The following KLHL4 variants were observed in gnomAD, a reference collection of about 807,000 sequenced individuals.
KLHL4 encodes the protein kelch-like protein 4.
KLHL4 carries 17 observed loss-of-function variants against 45.8 expected under a neutral mutation model. The observed-to-expected ratio is 0.37, with a 90% CI of 0.25 to 0.56. The LOEUF is 0.56. Ranked by LOEUF, KLHL4 falls within the 20% of genes least tolerant of loss-of-function variation. The pLI, the probability that KLHL4 is intolerant of heterozygous loss-of-function variation, is 0.79. For synonymous variants in KLHL4, 224 were observed against 189.9 expected (o/e 1.18, Z -1.47); for missense variants, 544 against 544.9 (o/e 1.00, Z 0.02).
At chrX:87,564,100 G>T (rs1932158874) in intron 1 of KLHL4, among the ~76,000 whole-genome samples, 1 of 110,866 alleles carries the variant, frequency 9.0e-6, no homozygotes. Context: ...TATTCATCCT[G>T]GGGTACAAAA....
chrX:87,658,548 C>G (rs1924069222), intron 9 of KLHL4, among the ~76,000 whole-genome samples: 1 of 111,262 alleles, frequency 9.0e-6, no homozygotes, highest in Non-Finnish European at 1.9e-5. Context: ...GATTACCCAG[C>G]TCCCCAGTGG....
chrX:87,639,872 C>CAA (rs1448734702), intron 9 of KLHL4, among the ~76,000 whole-genome samples: 1 of 95,484 alleles, frequency 1.0e-5, no homozygotes, highest in African/African-American at 4.9e-5. Flanking sequence ...GAAACAACAA[C>CAA]AACAAAAAAA....
At chrX:87,576,168 T>C (rs1921095573) in intron 1 of KLHL4, among the ~76,000 whole-genome samples, 1 of 111,581 alleles carries the variant, frequency 9.0e-6, no homozygotes, top group Non-Finnish European at 1.9e-5. Context: ...CTGGGAGGTA[T>C]AATTTCTGAT....
At position 87,625,738 on chromosome X, in the gene KLHL4, G is replaced by A. The variant is rs765334133; in HGVS notation, c.1266G>A (p.Lys422=). The change falls in exon 6 of 11, where the codon AAG becomes AAA. Residue 422 remains lysine, a synonymous_variant. Coordinates refer to ENST00000373119, the MANE Select transcript of KLHL4 (RefSeq NM_019117.5). ...RRSMMQSPRT[K]PRKSTVGALY... Reference sequence around the variant, plus strand: ...CCATGATGCAAAGCCCTCGGACAAAGCCTAGAAAATCAACTGTGGGGGCAC... The same window carrying A: ...CCATGATGCAAAGCCCTCGGACAAAACCTAGAAAATCAACTGTGGGGGCAC... The A allele has an allele frequency of 1.7e-6, 2 of 1,209,961 alleles. No homozygotes were observed. Among genetic ancestry groups the A allele is most frequent in the South Asian group, 3.5e-5 (2 of 56,739 alleles).
chrX:87,589,429 T>A (rs1921587203), intron 1 of KLHL4, among the ~76,000 whole-genome samples: 1 of 112,181 alleles, frequency 8.9e-6, no homozygotes, highest in South Asian at 3.7e-4. Context: ...AACAAATAAG[T>A]GGCTAAAGAA....
chrX:87,600,324 A>C (rs2051974959), intron 1 of KLHL4, among the ~76,000 whole-genome samples: 1 of 110,513 alleles, frequency 9.0e-6, no homozygotes, highest in Admixed American at 9.6e-5. Flanking sequence ...TCTACTAAAA[A>C]TACAAAAAAA....
At chrX:87,644,557 C>A (rs1569360871) in intron 9 of KLHL4, among the ~76,000 whole-genome samples, 1 of 111,039 alleles carries the variant, frequency 9.0e-6, no homozygotes, top group African/African-American at 3.3e-5. Context: ...AAAAACAATT[C>A]TAAAATTCAT....
chrX:87,591,076 T>C (rs1186995463), intron 1 of KLHL4, among the ~76,000 whole-genome samples: 1 of 111,883 alleles, frequency 8.9e-6, no homozygotes, highest in African/African-American at 3.2e-5. Context: ...CTGTTTTCCA[T>C]AATGGCCGTA....
intron 1 of KLHL4, among the ~76,000 whole-genome samples, chrX:87,575,596 A>G (rs112800568): frequency 2.7e-5 from 3 of 112,130 alleles, no homozygotes; most frequent in African/African-American, 9.7e-5. Flanking sequence ...AACTGAAGAT[A>G]TATCTAGAGT....
rs188804574 is a variant in KLHL4 at position 87,604,750 on chromosome X, A to G, written c.423-9127A>G. ...CATTTTGTTAATTGTTTCCTTTGCT[A>G]TAAAAAAACTTTTCAGTTTGATGTA... On this transcript the variant is annotated intron_variant, in intron 1 of 10. Coordinates refer to ENST00000373119, the MANE Select transcript of KLHL4 (RefSeq NM_019117.5). Among the ~76,000 whole-genome samples, 54 of 111,310 alleles carry G rather than the reference A, an allele frequency of 4.9e-4. No individual in the cohort carries two copies. The East Asian group carries it at 0.014, about 28-fold the overall frequency.
chrX:87,619,372 C>T (rs1922672751), intron 4 of KLHL4, among the ~76,000 whole-genome samples: 1 of 111,378 alleles, frequency 9.0e-6, no homozygotes, highest in Non-Finnish European at 1.9e-5. Context: ...TACTTCCCAC[C>T]CTAGGTCCAT....
At chrX:87,521,912 G>A (rs781306470) in intron 1 of KLHL4, among the ~76,000 whole-genome samples, 1 of 112,711 alleles carries the variant, frequency 8.9e-6, no homozygotes, top group Non-Finnish European at 1.9e-5. Flanking sequence ...TAACCATGTT[G>A]CTCTTTTGCC....
chrX:87,623,286 T>TC (rs1462869550), intron 5 of KLHL4, among the ~76,000 whole-genome samples: 1 of 90,341 alleles, frequency 1.1e-5, no homozygotes, highest in Non-Finnish European at 2.2e-5. Context: ...TTTTCCTTTT[T>TC]TCTTTTTTTT....
intron 1 of KLHL4, among the ~76,000 whole-genome samples, chrX:87,570,592 C>T (rs541365800): frequency 1.8e-5 from 2 of 110,344 alleles, no homozygotes; most frequent in Admixed American, 1.9e-4. Flanking sequence ...TAGAATTAAC[C>T]CAGGTATAGC....
rs1360902441 is a variant in KLHL4 at position 87,666,649 on chromosome X, ATTG to A, written c.*120_*122del. ...CTGCAATTAATAATCAGACTGGAAAATTGTTGTATCATTTTAATTTGTAGTTAC... is the reference window on the plus strand; with the variant it reads ...CTGCAATTAATAATCAGACTGGAAAATTGTATCATTTTAATTTGTAGTTAC... On this transcript the variant is annotated 3_prime_UTR_variant, in exon 11 of 11. Coordinates refer to ENST00000373119, the MANE Select transcript of KLHL4 (RefSeq NM_019117.5). The A allele has an allele frequency of 3.9e-6, 4 of 1,014,170 alleles. No homozygotes were observed. The East Asian group carries it at 1.1e-4, about 27-fold the overall frequency. The allele number at this position is 1,014,170 out of a possible 1,213,427, so 83.6% of individuals were successfully genotyped here. A position where few individuals can be genotyped will look rare whatever the true frequency, so the allele number is the denominator to read the frequency against.
chrX:87,622,452 AT>A (rs775124384), intron 5 of KLHL4, 29 bp downstream of exon 5: 2 of 1,028,649 alleles, frequency 1.9e-6, no homozygotes, highest in African/African-American at 3.7e-5. Context: ...GTAATTTAAA[AT>A]ATAGTTCTGA....
Position 87,633,910 on chromosome X carries a change from AAGTG to A in KLHL4, c.1712+3_1712+6del, listed in dbSNP as rs1923180388. 1 of 1,198,631 alleles carries A rather than the reference AAGTG, an allele frequency of 8.3e-7. No individual in the cohort carries two copies. Among genetic ancestry groups the A allele is most frequent in the East Asian group, 3.0e-5 (1 of 33,694 alleles). On this transcript the variant is annotated splice_donor_variant and splice_donor_region_variant and coding_sequence_variant and intron_variant, in exon 8 of 11. Coordinates refer to ENST00000373119, the MANE Select transcript of KLHL4 (RefSeq NM_019117.5). LOFTEE classifies it high-confidence loss of function. ...AGTTGGTGTTGTTGCATTAAACAAC[AAGTG>A]AGTAAGTTGAAACACACATGTTCAT...
rs1416553176 is a variant in KLHL4, at chrX:87,622,322, T to C, written c.1036T>C (p.Phe346Leu). 1 of 1,207,201 alleles carries C rather than the reference T, an allele frequency of 8.3e-7. No homozygotes were observed. The highest frequency in any genetic ancestry group is 3.0e-5 in the East Asian group (1 of 33,798). ...TAATGTGCCTGATGAAGAGACCATT[T>C]TTCATGCTCTAATGCAGTGGGTGGG... ...DINVPDEETI[F>L]HALMQWVGHD... The change falls in exon 5 of 11, where the codon TTT (phenylalanine) becomes CTT (leucine). Residue 346 changes from phenylalanine to leucine, a missense_variant. Coordinates refer to ENST00000373119, the MANE Select transcript of KLHL4 (RefSeq NM_019117.5).
At chrX:87,561,170 A>G (rs1288359736) in intron 1 of KLHL4, among the ~76,000 whole-genome samples, 1 of 111,110 alleles carries the variant, frequency 9.0e-6, no homozygotes, top group East Asian at 2.9e-4. Context: ...CAGGAACACC[A>G]AGTTAAACAA....
Sources: gnomAD v4.1 joint callset for allele counts (sites outside exome capture counted in the v4.1 genomes callset) on GRCh38, gnomAD v4.1.1 for gene constraint, MANE v1.5 for transcripts, NCBI Gene and HGNC (gene_info 2026-07-23, HGNC 2026-07-21) for gene names.